The following KLHL22 variants were observed in gnomAD, a reference collection of about 807,000 sequenced individuals.
The protein encoded by KLHL22 is kelch like family member 22.
A neutral mutation model predicts 60.7 loss-of-function variants in KLHL22; 18 were observed. That is an observed-to-expected ratio of 0.30 (90% CI 0.20 to 0.44). The LOEUF is 0.44. KLHL22 is among the 20% of genes least tolerant of loss of function. The pLI is 1.00. For missense variants in KLHL22, 596 were observed against 852.3 expected, an observed-to-expected ratio of 0.70 and a Z score of 3.74; for synonymous variants, 355 against 354.5, an observed-to-expected ratio of 1.00 and a Z score of -0.01.
intron 4 of KLHL22, among the ~76,000 whole-genome samples, chr22:20,460,224 A>G (rs908653887): frequency 6.6e-6 from 1 of 151,978 alleles, no homozygotes; most frequent in African/African-American, 2.4e-5. Context: ...GTGAGATAGG[A>G]CCCTCCATGT....
rs761999582 is a variant in KLHL22 at position 20,442,965 on chromosome 22, CTT to C, written c.1540-529_1540-528del. 4.6e-5 allele frequency among the ~76,000 whole-genome samples: 7 copies of C among 152,342 alleles called. No homozygotes were observed. The East Asian group carries it at 7.7e-4, about 17-fold the overall frequency. ...GCGGAGTAGTCAACATCAATATTCT[CTT>C]GTCTTCAAAATTGTCCAAACAGTAA... On this transcript the variant is annotated intron_variant, in intron 6 of 6. Coordinates refer to ENST00000328879, the MANE Select transcript of KLHL22 (RefSeq NM_032775.4).
rs1218797426 is a variant in KLHL22, at chr22:20,489,233, T to C, written c.-22A>G. The C allele has an allele frequency of 1.9e-6, 3 of 1,612,928 alleles. No homozygotes were observed. The highest frequency in any genetic ancestry group is 2.5e-6 in the Non-Finnish European group (3 of 1,179,528). ...CCATCCTGACAGCCACAAGATCCCT[T>C]ACAACTGTGGCCTGACAGTTGGCAA... On this transcript the variant is annotated 5_prime_UTR_variant, in exon 2 of 7. Transcript: ENST00000328879.
chr22:20,450,969 G>A, intron 5 of KLHL22: 6 of 1,596,458 alleles, frequency 3.8e-6, no homozygotes, highest in Non-Finnish European at 5.2e-6. Flanking sequence ...AAGTGCTTTT[G>A]GTGGCTGGGG....
intron 2 of KLHL22, among the ~76,000 whole-genome samples, chr22:20,478,689 T>A (rs966831661): frequency 1.3e-5 from 2 of 149,408 alleles, no homozygotes; most frequent in African/African-American, 4.9e-5. Context: ...TAATTTTTTG[T>A]ATTTTTAGTA....
chr22:20,474,470 C>A (rs1369012749), intron 2 of KLHL22, among the ~76,000 whole-genome samples: 1 of 152,196 alleles, frequency 6.6e-6, no homozygotes, highest in Admixed American at 6.5e-5. Flanking sequence ...CGGCTCACTG[C>A]AACCTCCGCC....
At chr22:20,442,653 C>T (rs1363700829) in intron 6 of KLHL22, among the ~76,000 whole-genome samples, 1 of 152,250 alleles carries the variant, frequency 6.6e-6, no homozygotes, top group Non-Finnish European at 1.5e-5. Context: ...AGGAGGCTGT[C>T]TTTTGGGCCC....
At chr22:20,454,253 A>T (rs1333296706) in intron 5 of KLHL22, among the ~76,000 whole-genome samples, 1 of 152,022 alleles carries the variant, frequency 6.6e-6, no homozygotes, top group Non-Finnish European at 1.5e-5. Context: ...CACTTGAACC[A>T]GGGAGGCAGA....
chr22:20,475,784 G>C (rs982106446), intron 2 of KLHL22, among the ~76,000 whole-genome samples: 17 of 152,058 alleles, frequency 1.1e-4, no homozygotes, highest in African/African-American at 1.7e-4. Flanking sequence ...GGCTGGTCTT[G>C]AACTCCTGAC....
At chr22:20,447,479 G>C (rs1451869363) in intron 5 of KLHL22, among the ~76,000 whole-genome samples, 2 of 152,006 alleles carry the variant, frequency 1.3e-5, no homozygotes, top group African/African-American at 4.8e-5. Flanking sequence ...TGGGGAGGAA[G>C]AACACACACC....
intron 2 of KLHL22, among the ~76,000 whole-genome samples, chr22:20,472,316 C>T (rs1408089318): frequency 2.0e-5 from 3 of 152,110 alleles, no homozygotes; most frequent in Admixed American, 6.5e-5. Flanking sequence ...AATAGCTGGG[C>T]GCGGTGGCTC....
chr22:20,478,431 C>G (rs945419491), intron 2 of KLHL22, among the ~76,000 whole-genome samples: 3 of 151,358 alleles, frequency 2.0e-5, no homozygotes, highest in African/African-American at 4.9e-5. Context: ...TCTTGAACTC[C>G]CGACCTCAGG....
At chr22:20,463,275 T>G (rs888407495) in intron 4 of KLHL22, among the ~76,000 whole-genome samples, 1 of 152,182 alleles carries the variant, frequency 6.6e-6, no homozygotes, top group Non-Finnish European at 1.5e-5. Context: ...GACTGGTTAT[T>G]GGTTACAGGG....
At chr22:20,471,661 T>C (rs2053329151) in intron 2 of KLHL22, 146 bp from the exon 3 acceptor site, 1 of 779,274 alleles carries the variant, frequency 1.3e-6, no homozygotes, top group Non-Finnish European at 2.1e-6. Context: ...CTGAGTGAAC[T>C]GTGTGCATGC....
chr22:20,448,769 C>T (rs1460160833), intron 5 of KLHL22, among the ~76,000 whole-genome samples: 3 of 151,666 alleles, frequency 2.0e-5, no homozygotes, highest in Non-Finnish European at 4.4e-5. Flanking sequence ...GGGATAAATA[C>T]CCAGGATGGT....
rs1390013463 is a variant in KLHL22 at position 20,465,019 on chromosome 22, C to T, written c.951G>A (p.Gln317=). 6.2e-6 allele frequency: 10 copies of T among 1,611,560 alleles called. No individual in the cohort carries two copies. The highest frequency in any genetic ancestry group is 1.1e-5 in the South Asian group (1 of 90,736). The part of the protein sequence containing the change: ...HSTPSTVLSD[Q]AKYLNPLLGE... Reference sequence around the variant, plus strand: ...CCAGTAAGGGGTTTAGATACTTGGCCTGGTCGCTGAGGACAGTGGACGGCG... The same window carrying T: ...CCAGTAAGGGGTTTAGATACTTGGCTTGGTCGCTGAGGACAGTGGACGGCG... The change falls in exon 4 of 7, where the codon CAG becomes CAA. Residue 317 remains glutamine (Q), a synonymous_variant. Transcript: ENST00000328879. This position sits in a 1 kb window ranked among gnomAD's most constrained non-coding sequence, Gnocchi z 4.9.
chr22:20,451,842 T>C lies in KLHL22; in HGVS notation c.1306-5166A>G. ...AGAAGTGACCATTGTTGGAGCACCA[T>C]CCAGAGCTAGTGACCAGTCCAGTGG... On this transcript the variant is annotated intron_variant, in intron 5 of 6. Transcript: ENST00000328879. 5.0e-6 allele frequency: 8 copies of C among 1,597,272 alleles called. No homozygotes were observed. The South Asian group carries it at 7.7e-5, about 15-fold the overall frequency.
chr22:20,470,740 A>G (rs1243020119), intron 3 of KLHL22, among the ~76,000 whole-genome samples: 1 of 150,458 alleles, frequency 6.6e-6, no homozygotes, highest in Non-Finnish European at 1.5e-5. Flanking sequence ...GGATGGATGG[A>G]TGGATGCCTG....
intron 4 of KLHL22, among the ~76,000 whole-genome samples, chr22:20,460,388 C>A (rs1332487076): frequency 6.6e-6 from 1 of 152,024 alleles, no homozygotes; most frequent in East Asian, 1.9e-4. Context: ...GCGGGTGGAT[C>A]ACGAGGTCAG....
chr22:20,442,425 C>A lies in KLHL22; in HGVS notation c.1553G>T (p.Ser518Ile), dbSNP rs1238383361. The A allele has an allele frequency of 6.3e-7, 1 of 1,592,366 alleles. No homozygotes were observed. Among genetic ancestry groups the A allele is most frequent in the South Asian group, 1.1e-5 (1 of 88,738 alleles). Residue 518 changes from serine (S) to isoleucine (I), a missense_variant, in exon 7 of 7, where the codon AGC becomes ATC. Ser to Ile is a moderately radical substitution (Grantham distance 142). Coordinates refer to ENST00000328879, the MANE Select transcript of KLHL22 (RefSeq NM_032775.4). ...AGATGACCACTGTCCAGACGTGCAG[C>A]TGTAGCAGGCCACCTGCAAAGCCAA... ...RRDVHQVACY[S>I]CTSGQWSSVC...
Sources: gnomAD v4.1 joint callset for allele counts (sites outside exome capture counted in the v4.1 genomes callset) on GRCh38, gnomAD v4.1.1 for gene constraint, Gnocchi (gnomAD v3.1) non-coding constraint, MANE v1.5 for transcripts, NCBI Gene and HGNC (gene_info 2026-07-23, HGNC 2026-07-21) for gene names.